SEM1: variants seen among roughly 807,000 people sequenced by gnomAD.
SEM1 encodes the protein 26S proteasome complex subunit SEM1.
SEM1 carries 3 observed loss-of-function variants against 12.7 expected under a neutral mutation model. The observed-to-expected ratio is 0.24, with a 90% confidence interval of 0.11 to 0.61. The LOEUF is 0.61. Ranked by LOEUF, SEM1 falls within the 20% of genes least tolerant of loss-of-function variation. The pLI, the probability that SEM1 is intolerant of heterozygous loss-of-function variation, is 0.88. For synonymous variants in SEM1, 30 were observed against 27.8 expected (o/e 1.08, Z -0.25); for missense variants, 59 against 81.3 (o/e 0.73, Z 1.06).
chr7:96,630,086 A>G lies in SEM1; in HGVS notation c.171-7443T>C, dbSNP rs776063219. On this transcript the variant is annotated intron_variant, in intron 2 of 2. Coordinates refer to the SEM1 transcript ENST00000417009. ...ACTGTGCTGGATCAGACCCAAAGTC[A>G]CCACAGCATTGGGTGTTGCCCAAGG... is the stretch of plus-strand genomic sequence containing the variant. 4.6e-5 allele frequency among the ~76,000 whole-genome samples: 7 copies of G among 152,298 alleles called. No homozygotes were observed. In the East Asian group the frequency reaches 1.4e-3, roughly 29 times the overall value.
At chr7:96,620,330 C>T (rs1282625054), downstream of SEM1, among the ~76,000 whole-genome samples, 1 of 152,130 alleles carries the variant, frequency 6.6e-6, no homozygotes, top group Non-Finnish European at 1.5e-5. Context: ...CACGGGAGTA[C>T]CCAGCCTCTC....
intron 2 of SEM1, among the ~76,000 whole-genome samples, chr7:96,560,331 T>C (rs1303728082): frequency 6.6e-6 from 1 of 152,190 alleles, no homozygotes; most frequent in Non-Finnish European, 1.5e-5. Flanking sequence ...TTATACGTGT[T>C]TGACAAAATG....
chr7:96,644,663 G>T (rs530275784), intron 2 of SEM1, among the ~76,000 whole-genome samples: 1 of 152,224 alleles, frequency 6.6e-6, no homozygotes, highest in South Asian at 2.1e-4. Context: ...TAAAACCCAG[G>T]GCAGAATGCT....
At chr7:96,582,300 C>T (rs1298147608) in intron 2 of SEM1, among the ~76,000 whole-genome samples, 3 of 148,484 alleles carry the variant, frequency 2.0e-5, no homozygotes, top group African/African-American at 7.5e-5. Flanking sequence ...ATTGAACCAG[C>T]CTTGCATCCC....
In SEM1 at chr7:96,493,886, G is replaced by C. The variant is rs528418325; in HGVS notation, c.12+2398C>G. ...TTCCTATTGCTCTTCAAAACATATAGGTTCTCCATTTATTTCCTACATTTT... is the reference window on the plus strand; with the variant it reads ...TTCCTATTGCTCTTCAAAACATATACGTTCTCCATTTATTTCCTACATTTT... On this transcript the variant is annotated intron_variant, in intron 1 of 3. Transcript: ENST00000356686. 3.3e-5 allele frequency among the ~76,000 whole-genome samples: 5 copies of C among 152,148 alleles called. No homozygotes were observed. The South Asian group carries it at 6.2e-4, about 19-fold the overall frequency.
intron 2 of SEM1, among the ~76,000 whole-genome samples, chr7:96,546,247 G>C (rs1182989736): frequency 6.6e-6 from 1 of 152,050 alleles, no homozygotes; most frequent in African/African-American, 2.4e-5. Flanking sequence ...GATGATTCCT[G>C]TCTTTAAGGA....
chr7:96,678,328 A>G (rs138232751), intron 2 of SEM1, among the ~76,000 whole-genome samples: 20 of 152,278 alleles, frequency 1.3e-4, no homozygotes, highest in South Asian at 1.2e-3. Context: ...ATCCAATTCT[A>G]TAAGTCTAAC....
intron 2 of SEM1, among the ~76,000 whole-genome samples, chr7:96,693,004 G>A (rs551981089): frequency 6.6e-4 from 100 of 151,872 alleles, no homozygotes; most frequent in African/African-American, 2.2e-3. Context: ...ACAGTGAAAG[G>A]TAAATTATAC....
chr7:96,493,796 T>C (rs529055830), intron 1 of SEM1, among the ~76,000 whole-genome samples: 1 of 152,330 alleles, frequency 6.6e-6, no homozygotes, highest in African/African-American at 2.4e-5. Flanking sequence ...ATGTTAGTCT[T>C]ATAAACCAAG....
intron 2 of SEM1, among the ~76,000 whole-genome samples, chr7:96,595,582 C>A (rs1334677228): frequency 6.6e-6 from 1 of 152,080 alleles, no homozygotes; most frequent in Non-Finnish European, 1.5e-5. Context: ...AAAGTAAGAA[C>A]AACAGCATTA....
chr7:96,557,167 G>A (rs1027821754), intron 2 of SEM1, among the ~76,000 whole-genome samples: 6 of 150,926 alleles, frequency 4.0e-5, no homozygotes, highest in Admixed American at 2.0e-4. Context: ...TAATTTGATC[G>A]TCTGAAGCCT....
chr7:96,499,275 C>CT (rs1179491500), upstream of SEM1, among the ~76,000 whole-genome samples: 1 of 152,162 alleles, frequency 6.6e-6, no homozygotes, highest in Non-Finnish European at 1.5e-5. Context: ...TAATTTGCCA[C>CT]TTTTTCATTC....
chr7:96,565,224 T>A (rs980918235), intron 2 of SEM1, among the ~76,000 whole-genome samples: 4 of 151,942 alleles, frequency 2.6e-5, no homozygotes, highest in African/African-American at 9.7e-5. Context: ...TTTTAAAAAA[T>A]GTCATTCCAT....
intron 2 of SEM1, among the ~76,000 whole-genome samples, chr7:96,509,717 A>G (rs535837474): frequency 6.6e-6 from 1 of 152,282 alleles, no homozygotes; most frequent in South Asian, 2.1e-4. Flanking sequence ...CAGCCTTAAA[A>G]CGGAAGAAAA....
intron 1 of SEM1, 120 bp downstream of exon 1, chr7:96,709,568 G>T: frequency 1.1e-6 from 1 of 893,826 alleles, no homozygotes; most frequent in Non-Finnish European, 1.8e-6. Context: ...CTCGAGTGCC[G>T]GCCCTGGGAG....
chr7:96,558,677 A>G (rs1805605005), intron 2 of SEM1, among the ~76,000 whole-genome samples: 1 of 152,238 alleles, frequency 6.6e-6, no homozygotes, highest in Non-Finnish European at 1.5e-5. Flanking sequence ...GAAACATGAA[A>G]GAGGCAAGAA....
intron 2 of SEM1, among the ~76,000 whole-genome samples, chr7:96,647,802 T>A (rs192023049): frequency 1.3e-5 from 2 of 152,330 alleles, no homozygotes; most frequent in East Asian, 3.9e-4. Context: ...TGCAAATGTT[T>A]GATCAGGAGA....
intron 2 of SEM1, among the ~76,000 whole-genome samples, chr7:96,604,863 G>A (rs1478447866): frequency 2.0e-5 from 3 of 150,540 alleles, no homozygotes; most frequent in East Asian, 2.0e-4. Context: ...AGGTTGCAGC[G>A]AGCCAAGATT....
chr7:96,530,966 G>A (rs1804620801), intron 2 of SEM1, among the ~76,000 whole-genome samples: 1 of 152,072 alleles, frequency 6.6e-6, no homozygotes, highest in Admixed American at 6.6e-5. Context: ...TTAACACACA[G>A]TTAGTCAGGC....
Sources: gnomAD v4.1 joint callset for allele counts (sites outside exome capture counted in the v4.1 genomes callset) on GRCh38, gnomAD v4.1.1 for gene constraint, MANE v1.5 for transcripts, NCBI Gene and HGNC (gene_info 2026-07-23, HGNC 2026-07-21) for gene names.